The following ENKUR variants were observed in gnomAD, a reference collection of about 807,000 sequenced individuals.
The protein encoded by ENKUR is enkurin, TRPC channel interacting protein, also known as enkurin.
ENKUR carries 19 observed loss-of-function variants against 27.6 expected under a neutral mutation model. That is an observed-to-expected ratio of 0.69 (90% confidence interval 0.48 to 1.01). The LOEUF (loss-of-function observed/expected upper bound fraction) is 1.01. Among genes scored for constraint, ENKUR ranks in the 50% least tolerant of loss-of-function variants. ENKUR has a pLI of 0.00. For synonymous variants in ENKUR, 117 were observed against 96.9 expected, an observed-to-expected ratio of 1.21 and a Z score of -1.22; for missense variants, 312 against 310.5, an observed-to-expected ratio of 1.00 and a Z score of -0.04.
intron 1 of ENKUR, among the ~76,000 whole-genome samples, chr10:25,014,511 A>C (rs181766362): frequency 9.0e-4 from 136 of 151,908 alleles, no homozygotes; most frequent in East Asian, 7.7e-3. Flanking sequence ...TGTTCCTATA[A>C]ATTTTTTTTG....
At chr10:25,003,026 T>C (rs1850224680) in intron 1 of ENKUR, among the ~76,000 whole-genome samples, 1 of 152,142 alleles carries the variant, frequency 6.6e-6, no homozygotes, top group Admixed American at 6.5e-5. Flanking sequence ...CCATCTATTA[T>C]AGAAAATAAG....
chr10:25,005,010 A>G (rs1053144196), intron 1 of ENKUR, among the ~76,000 whole-genome samples: 35 of 152,292 alleles, frequency 2.3e-4, no homozygotes, highest in African/African-American at 6.0e-4. Context: ...CCATTTATTG[A>G]ATATGAAGTC....
At chr10:24,987,737 G>T (rs1192744536) in intron 4 of ENKUR, among the ~76,000 whole-genome samples, 1 of 152,134 alleles carries the variant, frequency 6.6e-6, no homozygotes, top group East Asian at 1.9e-4. Flanking sequence ...ACACCAGCCT[G>T]GCAATTGGTA....
At chr10:25,006,517 A>C (rs1192675840) in intron 1 of ENKUR, among the ~76,000 whole-genome samples, 1 of 152,208 alleles carries the variant, frequency 6.6e-6, no homozygotes. Flanking sequence ...TAATAGAGTC[A>C]AATTTGTTTC....
At position 24,986,722 on chromosome 10, in the gene ENKUR, G is replaced by A. The variant is rs192113342; in HGVS notation, c.595-1817C>T. Among the ~76,000 whole-genome samples the A allele has an allele frequency of 1.8e-4, 27 of 152,206 alleles. 1 individual carries two copies. In the East Asian group the frequency reaches 3.5e-3, roughly 20 times the overall value. ...TTTATCTTCCAGTGTGTACAATAAC[G>A]TTTGGATCAAAGTCAACAGCCAGGG... On this transcript the variant is annotated intron_variant, in intron 4 of 5. Transcript: ENST00000331161.
intron 1 of ENKUR, among the ~76,000 whole-genome samples, chr10:25,008,424 C>G (rs1040758157): frequency 6.6e-6 from 1 of 152,188 alleles, no homozygotes; most frequent in African/African-American, 2.4e-5. Context: ...AGTCAAGGAA[C>G]AGATTTCTCA....
rs79106101 is a variant in ENKUR, at chr10:25,022,489, T to G, written c.38-26620A>C. ...TAATATACCTTTCACCTTGGCTCTTTTTAAAGCCTTCAATATGAATAATAT... is the reference window on the plus strand; with the variant it reads ...TAATATACCTTTCACCTTGGCTCTTGTTAAAGCCTTCAATATGAATAATAT... On this transcript the variant is annotated intron_variant, in intron 2 of 5. Transcript: ENST00000615958. 4.9e-4 allele frequency among the ~76,000 whole-genome samples: 75 copies of G among 152,342 alleles called. 1 individual carries two copies. In the East Asian group the frequency reaches 0.013, roughly 27 times the overall value.
intron 1 of ENKUR, among the ~76,000 whole-genome samples, chr10:25,001,385 G>T (rs568934143): frequency 6.6e-6 from 1 of 150,570 alleles, no homozygotes; most frequent in South Asian, 2.1e-4. Flanking sequence ...TTTTCTACTT[G>T]GGGTTAACTG....
intron 2 of ENKUR, among the ~76,000 whole-genome samples, chr10:24,998,928 A>G (rs1226826836): frequency 6.6e-6 from 1 of 152,200 alleles, no homozygotes; most frequent in Non-Finnish European, 1.5e-5. Context: ...ATTGCAGTCC[A>G]GTTAGTCTTA....
At chr10:25,016,169 T>C, upstream of ENKUR, 1 of 1,192,836 alleles carries the variant, frequency 8.4e-7, no homozygotes, top group Non-Finnish European at 1.0e-6. Flanking sequence ...GCGGTTGCCG[T>C]GGAAACCGTT....
At chr10:25,046,394 G>A (rs760439082) in intron 2 of ENKUR, among the ~76,000 whole-genome samples, 4 of 152,090 alleles carry the variant, frequency 2.6e-5, no homozygotes, top group Non-Finnish European at 5.9e-5. Context: ...TTCTCCTGGG[G>A]GTAGTAAGCC....
At chr10:24,985,899 C>T (rs988345204) in intron 4 of ENKUR, among the ~76,000 whole-genome samples, 1 of 152,090 alleles carries the variant, frequency 6.6e-6, no homozygotes, top group Non-Finnish European at 1.5e-5. Flanking sequence ...AAAACCCTGT[C>T]GCTACAAAAA....
chr10:25,024,200 A>C, intron 2 of ENKUR: 7 of 1,614,220 alleles, frequency 4.3e-6, no homozygotes, highest in Non-Finnish European at 5.9e-6. Flanking sequence ...GCCTGCTCAA[A>C]AATTGCTCCT....
chr10:25,015,780 A>G (rs1012274301), intron 1 of ENKUR, 80 bp downstream of exon 1: 1 of 1,253,818 alleles, frequency 8.0e-7, no homozygotes, highest in African/African-American at 1.5e-5. Context: ...ATTATTAAAA[A>G]TTCCAGTATA....
Position 25,040,093 on chromosome 10 carries a change from C to G in ENKUR, c.37+21019G>C, listed in dbSNP as rs187009285. 5.3e-5 allele frequency among the ~76,000 whole-genome samples: 8 copies of G among 152,200 alleles called. No homozygotes were observed. The East Asian group carries it at 1.5e-3, about 29-fold the overall frequency. On this transcript the variant is annotated intron_variant, in intron 2 of 5. Transcript: ENST00000615958. ...CTCTCTCCTCACTTGGCTTCTCTTT[C>G]CAGTAGAGTAGCTTTTACATAATTG...
At chr10:24,987,056 C>T (rs1333768448) in intron 4 of ENKUR, among the ~76,000 whole-genome samples, 6 of 152,204 alleles carry the variant, frequency 3.9e-5, no homozygotes, top group African/African-American at 1.4e-4. Flanking sequence ...AGCTCTTTCG[C>T]CCTCTGGCCT....
At chr10:25,022,711 A>G (rs1246184950) in intron 2 of ENKUR, among the ~76,000 whole-genome samples, 1 of 152,210 alleles carries the variant, frequency 6.6e-6, no homozygotes, top group African/African-American at 2.4e-5. Context: ...GAAATTAAAT[A>G]TAAAGAATAT....
At chr10:25,023,711 G>A (rs2132759157) in intron 2 of ENKUR, 1 of 1,613,872 alleles carries the variant, frequency 6.2e-7, no homozygotes, top group Non-Finnish European at 8.5e-7. Context: ...GATCTAATTT[G>A]TCGTCTAAAA....
chr10:25,035,971 T>C (rs1851002987), intron 2 of ENKUR, among the ~76,000 whole-genome samples: 2 of 152,242 alleles, frequency 1.3e-5, no homozygotes, highest in Admixed American at 6.5e-5. Flanking sequence ...AAAAAAGTTA[T>C]AGCCTTGGTC....
Sources: allele counts gnomAD v4.1 joint callset (sites outside exome capture counted in the v4.1 genomes callset), GRCh38; gene constraint gnomAD v4.1.1; transcripts MANE v1.5; gene names NCBI Gene and HGNC (gene_info 2026-07-23, HGNC 2026-07-21).